Variants in UNC80 observed in about 807,000 individuals in gnomAD.
The protein encoded by UNC80 is unc-80 subunit of NALCN channel complex, also known as protein unc-80 homolog.
In UNC80, 164 loss-of-function variants were observed where a neutral mutation model predicts 384.6. The ratio of observed to expected loss-of-function variants is 0.43; its 90% CI spans 0.38 to 0.49. The LOEUF (loss-of-function observed/expected upper bound fraction) is 0.49, where lower values mean the gene tolerates loss of function less well. Ranked by LOEUF, UNC80 falls within the 20% of genes least tolerant of loss-of-function variation. UNC80 has a pLI of 0.00. For missense variants in UNC80, 3,330 were observed against 4,143.0 expected (o/e 0.80, Z 5.39); for synonymous variants, 1,486 against 1,527.8 (o/e 0.97, Z 0.64).
Position 209,969,772 on chromosome 2 carries a change from C to A in UNC80, c.8011C>A (p.Gln2671Lys). 1.3e-6 allele frequency: 2 copies of A among 1,551,618 alleles called. No individual in the cohort carries two copies. Among genetic ancestry groups the A allele is most frequent in the Non-Finnish European group, 1.7e-6 (2 of 1,146,938 alleles). ...GGCGCCTATATTGTATTCCAGGCGA[C>A]AGGTTGAGTGGGAGCCTGCCAGCAA... is the stretch of plus-strand genomic sequence containing the variant. Reference protein sequence around the residue: ...KIHKMPTLRRQVEWEPASNLI... With the variant: ...KIHKMPTLRRKVEWEPASNLI... Residue 2671 changes from glutamine to lysine, a missense_variant, in exon 53 of 65, where the codon CAG (glutamine) becomes AAG (lysine). Transcript: ENST00000673920.
At chr2:209,826,287 A>C (rs895191194) in intron 14 of UNC80, among the ~76,000 whole-genome samples, 1 of 152,182 alleles carries the variant, frequency 6.6e-6, no homozygotes, top group Non-Finnish European at 1.5e-5. Flanking sequence ...GGGCAGACCA[A>C]CTCCCAATTA....
intron 33 of UNC80, 111 bp downstream of exon 33, chr2:209,918,774 T>G: frequency 8.0e-7 from 1 of 1,255,374 alleles, no homozygotes; most frequent in Non-Finnish European, 1.1e-6. Flanking sequence ...ACACAGAAAG[T>G]CAGCACAAAA....
At position 209,800,885 on chromosome 2, in the gene UNC80, A is replaced by G. The variant is rs1446826875; in HGVS notation, c.938+7026A>G. 3.9e-5 allele frequency among the ~76,000 whole-genome samples: 6 copies of G among 152,114 alleles called. 1 individual carries two copies. Among genetic ancestry groups the G allele is most frequent in the Admixed American group, 2.6e-4 (4 of 15,258 alleles). On this transcript the variant is annotated intron_variant, in intron 7 of 64. Coordinates refer to ENST00000673920, the MANE Select transcript of UNC80 (RefSeq NM_001371986.1). ...TGTGGTTTTGAGTTTCTTAATCCCA[A>G]TTTCTAATTTGATTACACTGTGGTC...
At chr2:209,849,920 C>T (rs949648446) in intron 22 of UNC80, among the ~76,000 whole-genome samples, 6 of 152,016 alleles carry the variant, frequency 3.9e-5, no homozygotes, top group African/African-American at 1.2e-4. Context: ...AATAACAATA[C>T]TATAGCTTCC....
intron 23 of UNC80, among the ~76,000 whole-genome samples, chr2:209,876,880 A>T (rs2084831328): frequency 1.3e-5 from 2 of 152,186 alleles, no homozygotes; most frequent in Admixed American, 1.3e-4. Flanking sequence ...GTTTCCAGAT[A>T]TCTAAGACAC....
intron 22 of UNC80, among the ~76,000 whole-genome samples, chr2:209,850,144 G>GTT (rs1169006277): frequency 6.6e-6 from 1 of 152,012 alleles, no homozygotes; most frequent in Non-Finnish European, 1.5e-5. Flanking sequence ...GAAATGAATT[G>GTT]CACAAACACT....
At chr2:209,880,444 A>G (rs1314759507) in intron 24 of UNC80, among the ~76,000 whole-genome samples, 8 of 152,242 alleles carry the variant, frequency 5.3e-5, no homozygotes, top group Admixed American at 5.2e-4. Context: ...ACTAGAGCTG[A>G]AACAACTTCA....
Position 209,997,877 on chromosome 2 carries a change from G to A in UNC80, c.*2282G>A, listed in dbSNP as rs747300561. On this transcript the variant is annotated 3_prime_UTR_variant, in exon 65 of 65. Transcript: ENST00000673920. ...TGTGTAATGGCTAAAGTATCTATAT[G>A]TATGTGCATAAAACTGTCACAAGAT... is the stretch of plus-strand genomic sequence containing the variant. 3 of 151,970 alleles carry A rather than the reference G, an allele frequency of 2.0e-5. No individual in the cohort carries two copies. Among genetic ancestry groups the A allele is most frequent in the Non-Finnish European group, 4.4e-5 (3 of 68,010 alleles). The allele number at this position is 151,970 out of a possible 1,614,324, so 9.4% of individuals were successfully genotyped here.
rs145632537 is a variant in UNC80, at chr2:209,908,379, A to T, written c.4782+3414A>T. Reference sequence around the variant, plus strand: ...TCAATGCTGAGGGACTCACTGTACAATCTGTTAGTCTATTTTAGTGTACTT... The same window carrying T: ...TCAATGCTGAGGGACTCACTGTACATTCTGTTAGTCTATTTTAGTGTACTT... On this transcript the variant is annotated intron_variant, in intron 29 of 64. Transcript: ENST00000673920. Among the ~76,000 whole-genome samples, 151 of 152,326 alleles carry T rather than the reference A, an allele frequency of 9.9e-4. 1 individual carries two copies. In the East Asian group the frequency reaches 0.017, roughly 17 times the overall value.
chr2:209,802,132 G>C (rs562159734), intron 7 of UNC80, among the ~76,000 whole-genome samples: 1 of 152,224 alleles, frequency 6.6e-6, no homozygotes, highest in African/African-American at 2.4e-5. Context: ...TAGAATGGTA[G>C]TTATCAGAAG....
Position 209,959,695 on chromosome 2 carries a change from AGTCTCACATGAGGTACTG to A in UNC80, c.7795_7805+7del. 1 of 1,551,396 alleles carries A rather than the reference AGTCTCACATGAGGTACTG, an allele frequency of 6.4e-7. No homozygotes were observed. Among genetic ancestry groups the A allele is most frequent in the Non-Finnish European group, 8.7e-7 (1 of 1,146,954 alleles). Reference sequence around the variant, plus strand: ...ATTGCCTTGGAACTGCTGGATGTGAAGTCTCACATGAGGTACTGGCCTCGCTTTCCCTGCCCCAAGTGT... The same window carrying A: ...ATTGCCTTGGAACTGCTGGATGTGAAGCCTCGCTTTCCCTGCCCCAAGTGT... On this transcript the variant is annotated splice_donor_variant and splice_donor_5th_base_variant and coding_sequence_variant and intron_variant, in exon 51 of 65. Coordinates refer to ENST00000673920, the MANE Select transcript of UNC80 (RefSeq NM_001371986.1). LOFTEE classifies it high-confidence loss of function.
chr2:209,791,067 T>C (rs1374701929), intron 6 of UNC80, among the ~76,000 whole-genome samples: 1 of 152,190 alleles, frequency 6.6e-6, no homozygotes, highest in African/African-American at 2.4e-5. Flanking sequence ...TTGTCTTCTT[T>C]TCGTTATGTT....
intron 4 of UNC80, among the ~76,000 whole-genome samples, chr2:209,780,810 T>G (rs1386789231): frequency 1.3e-5 from 2 of 152,134 alleles, no homozygotes. Context: ...CATGTAAACT[T>G]CCCCTCACCA....
Position 209,904,969 on chromosome 2 carries a change from A to T in UNC80, c.4782+4A>T. 6.4e-7 allele frequency: 1 copy of T among 1,551,586 alleles called. No homozygotes were observed. The highest frequency in any genetic ancestry group is 1.2e-5 in the South Asian group (1 of 84,052). ...CCGGGGCAAGAAACAGAAAGAAGTA[A>T]GTAAATGACCATTGAATGATATTCT... On this transcript the variant is annotated splice_donor_region_variant and intron_variant, in intron 29 of 64. Coordinates refer to ENST00000673920, the MANE Select transcript of UNC80 (RefSeq NM_001371986.1).
intron 35 of UNC80, 60 bp downstream of exon 35, chr2:209,922,443 G>A: frequency 2.0e-6 from 3 of 1,496,076 alleles, no homozygotes; most frequent in East Asian, 2.5e-5. Context: ...ACACTTTCCA[G>A]TTAATATCAT....
At position 209,834,147 on chromosome 2, in the gene UNC80, C is replaced by A; in HGVS notation, c.2921C>A (p.Ser974Tyr). 1 of 1,551,540 alleles carries A rather than the reference C, an allele frequency of 6.4e-7. No individual in the cohort carries two copies. ...GKKVEENEQESKPAGSKRSEA... is the reference protein window; with the variant it reads ...GKKVEENEQEYKPAGSKRSEA... ...AAGGTGGAGGAGAATGAACAGGAAT[C>A]TAAGCCTGCAGGCAGTAAAAGGTTG... The change falls in exon 17 of 65, where the codon TCT (serine) becomes TAT (tyrosine). Residue 974 changes from serine (S) to tyrosine (Y), a missense_variant. Coordinates refer to ENST00000673920, the MANE Select transcript of UNC80 (RefSeq NM_001371986.1).
chr2:209,875,721 A>G (rs559393742), intron 23 of UNC80, among the ~76,000 whole-genome samples: 27 of 152,222 alleles, frequency 1.8e-4, no homozygotes, highest in Non-Finnish European at 3.5e-4. Flanking sequence ...GTGCATTTCC[A>G]TGAACATAAA....
intron 22 of UNC80, among the ~76,000 whole-genome samples, chr2:209,861,405 T>C (rs558673246): frequency 6.6e-6 from 1 of 152,334 alleles, no homozygotes. Flanking sequence ...GCAGACTTGA[T>C]CGTGATGGAT....
chr2:209,950,846 C>T (rs1433841801), intron 47 of UNC80, among the ~76,000 whole-genome samples: 9 of 151,392 alleles, frequency 5.9e-5, no homozygotes, highest in African/African-American at 1.5e-4. Flanking sequence ...GCATGAGCCA[C>T]CGCACCCAGC....
Sources: gnomAD v4.1 joint callset for allele counts (sites outside exome capture counted in the v4.1 genomes callset) on GRCh38, gnomAD v4.1.1 for gene constraint, MANE v1.5 for transcripts, NCBI Gene and HGNC (gene_info 2026-07-23, HGNC 2026-07-21) for gene names.